Variants in SENP1 observed in about 807,000 individuals in gnomAD.
The protein encoded by SENP1 is SUMO specific peptidase 1, also known as sentrin-specific protease 1.
Under a neutral mutation model 93.0 loss-of-function variants are expected in SENP1, and 21 were observed. That is an observed-to-expected ratio of 0.23 (90% CI 0.16 to 0.33). The LOEUF (loss-of-function observed/expected upper bound fraction) is 0.33, where lower values mean the gene tolerates loss of function less well. Ranked by LOEUF, SENP1 falls within the 10% of genes least tolerant of loss-of-function variation. The pLI, the probability that SENP1 is intolerant of heterozygous loss-of-function variation, is 1.00. For missense variants in SENP1, 591 were observed against 758.7 expected, an observed-to-expected ratio of 0.78 and a Z score of 2.60; for synonymous variants, 256 against 259.6, an observed-to-expected ratio of 0.99 and a Z score of 0.13.
intron 4 of SENP1, among the ~76,000 whole-genome samples, chr12:48,095,267 C>T (rs1273589673): frequency 6.6e-6 from 1 of 151,874 alleles, no homozygotes; most frequent in Admixed American, 6.6e-5. Context: ...CCAGGTGCAG[C>T]GGCTTACACC....
rs1327807890 is a variant in SENP1, at chr12:48,085,259, C to A, written c.381-1497G>T. ...GGGATGACACTGGCATCATCCTCAT[C>A]AACCAGTACATCGCAGAGATGGTGC... On this transcript the variant is annotated intron_variant, in intron 5 of 17. Coordinates refer to ENST00000549518, the MANE Select transcript of SENP1 (RefSeq NM_001267594.2). 5 of 1,553,468 alleles carry A rather than the reference C, an allele frequency of 3.2e-6. No individual in the cohort carries two copies. The East Asian group carries it at 9.0e-5, about 28-fold the overall frequency.
At chr12:48,070,667 G>T (rs747392851) in intron 9 of SENP1, among the ~76,000 whole-genome samples, 10 of 152,208 alleles carry the variant, frequency 6.6e-5, no homozygotes, top group Non-Finnish European at 1.5e-4. Context: ...ATAGTAAGGA[G>T]CCTGAGCTTA....
chr12:48,055,132 C>T (rs146918532), intron 13 of SENP1: 8 of 261,116 alleles, frequency 3.1e-5, no homozygotes, highest in Non-Finnish European at 4.4e-5. Flanking sequence ...CTTTCTCTTG[C>T]GCTTGGCAGG....
At chr12:48,072,200 C>G (rs1361305175) in intron 8 of SENP1, among the ~76,000 whole-genome samples, 2 of 152,300 alleles carry the variant, frequency 1.3e-5, no homozygotes, top group African/African-American at 2.4e-5. Context: ...ATAAAAATCT[C>G]TATCCAGCTC....
intron 5 of SENP1, among the ~76,000 whole-genome samples, chr12:48,085,715 C>CAAAA (rs200416260): frequency 3.1e-4 from 36 of 116,136 alleles, no homozygotes; most frequent in Middle Eastern, 4.8e-3. Flanking sequence ...TTGCTTCTCT[C>CAAAA]AAAAAAAAAA....
intron 10 of SENP1, 47 bp from the exon 11 acceptor site, chr12:48,065,727 T>TGTTTCATAATGA: frequency 8.3e-7 from 1 of 1,200,546 alleles, no homozygotes; most frequent in Non-Finnish European, 1.2e-6. Context: ...ACTCTCATTA[T>TGTTTCATAATGA]GAAACATATT....
At chr12:48,105,887 G>T (rs540019447) in intron 1 of SENP1, 141 bp downstream of exon 1, 16 of 617,960 alleles carry the variant, frequency 2.6e-5, no homozygotes, top group Non-Finnish European at 4.1e-5. Context: ...CAGGGGGCGG[G>T]GCAGAGGAAA....
rs927021325 is a variant in SENP1 at position 48,044,887 on chromosome 12, T to C, written c.*435A>G. The C allele has an allele frequency of 5.5e-6, 1 of 180,842 alleles. No individual in the cohort carries two copies. Among genetic ancestry groups the C allele is most frequent in the Non-Finnish European group, 1.2e-5 (1 of 83,404 alleles). The allele number at this position is 180,842 out of a possible 1,614,324, so 11.2% of individuals were successfully genotyped here. A position where few individuals can be genotyped will look rare whatever the true frequency, so the allele number is the denominator to read the frequency against. ...GTGTGTGGGTGTGTGTGTATGTCCA[T>C]GTATATGCTGGTGGTTTTTATCCCT... On this transcript the variant is annotated 3_prime_UTR_variant, in exon 18 of 18. Transcript: ENST00000549518.
chr12:48,093,289 T>G (rs1017566773), intron 4 of SENP1, among the ~76,000 whole-genome samples: 16 of 150,764 alleles, frequency 1.1e-4, no homozygotes, highest in African/African-American at 3.9e-4. Flanking sequence ...GGTTTTTTTT[T>G]TTTTTTTTTT....
At chr12:48,089,273 C>T in intron 4 of SENP1, 4 of 1,385,218 alleles carry the variant, frequency 2.9e-6, no homozygotes, top group Non-Finnish European at 3.8e-6. Flanking sequence ...CTATATCTTG[C>T]AAGCACTCCC....
At chr12:48,085,206 G>A (rs1944770688) in intron 5 of SENP1, 30 of 1,505,042 alleles carry the variant, frequency 2.0e-5, no homozygotes, top group South Asian at 7.9e-5. Flanking sequence ...CAATGAGATC[G>A]AAGACACTTT....
At chr12:48,093,347 G>A (rs576508421) in intron 4 of SENP1, among the ~76,000 whole-genome samples, 5 of 147,498 alleles carry the variant, frequency 3.4e-5, no homozygotes, top group Non-Finnish European at 7.4e-5. Context: ...GCAGTGGCGC[G>A]ATCTCCGCTC....
At chr12:48,068,935 C>T (rs536927832) in intron 9 of SENP1, among the ~76,000 whole-genome samples, 10 of 151,692 alleles carry the variant, frequency 6.6e-5, no homozygotes, top group Admixed American at 1.3e-4. Flanking sequence ...GGTGGAACAC[C>T]GGAGGTCAGG....
intron 2 of SENP1, 101 bp from the exon 3 acceptor site, chr12:48,098,225 C>T: frequency 1.7e-6 from 2 of 1,172,922 alleles, no homozygotes; most frequent in Non-Finnish European, 2.4e-6. Context: ...CCCACCCAGG[C>T]ATGGTGTCTC....
chr12:48,056,743 C>A (rs190468037), intron 13 of SENP1, among the ~76,000 whole-genome samples: 1 of 58,356 alleles, frequency 1.7e-5, no homozygotes, highest in Non-Finnish European at 3.0e-5. Flanking sequence ...TAATATATTA[C>A]ATATTACATA....
chr12:48,104,295 A>G (rs1419350466), intron 1 of SENP1, among the ~76,000 whole-genome samples: 1 of 130,680 alleles, frequency 7.7e-6, no homozygotes, highest in Non-Finnish European at 1.6e-5. Context: ...AGAGAGAGAG[A>G]GAGAGAGACG....
Position 48,045,304 on chromosome 12 carries a change from T to C in SENP1, c.*18A>G, listed in dbSNP as rs762438020. 6.2e-7 allele frequency: 1 copy of C among 1,610,414 alleles called. No homozygotes were observed. The highest frequency in any genetic ancestry group is 8.5e-7 in the Non-Finnish European group (1 of 1,176,918). The stretch of plus-strand genomic sequence containing the variant: ...GCTGGTCCCCCACATGGTCAAGGTC[T>C]GCTAAGTGAGACAGTCTTCACAAGA... On this transcript the variant is annotated 3_prime_UTR_variant, in exon 18 of 18. Coordinates refer to ENST00000549518, the MANE Select transcript of SENP1 (RefSeq NM_001267594.2).
intron 6 of SENP1, among the ~76,000 whole-genome samples, chr12:48,076,506 A>G (rs1157800475): frequency 1.3e-5 from 2 of 149,722 alleles, no homozygotes; most frequent in Non-Finnish European, 3.0e-5. Context: ...TTTTTTTTTA[A>G]TTTTTAGTAC....
chr12:48,085,189 C>T (rs1254566633), intron 5 of SENP1: 5 of 1,469,372 alleles, frequency 3.4e-6, no homozygotes, highest in Non-Finnish European at 3.8e-6. Flanking sequence ...GAGAAGGATA[C>T]GACCATCAAT....
Sources: allele counts gnomAD v4.1 joint callset (sites outside exome capture counted in the v4.1 genomes callset), GRCh38; gene constraint gnomAD v4.1.1; transcripts MANE v1.5; gene names NCBI Gene and HGNC (gene_info 2026-07-23, HGNC 2026-07-21).